Variants in HEATR4 observed in about 807,000 individuals in gnomAD.
HEATR4 encodes the protein HEAT repeat-containing protein 4.
A neutral mutation model predicts 108.8 loss-of-function variants in HEATR4; 95 were observed. The observed-to-expected ratio is 0.87, with a 90% CI of 0.74 to 1.04. The LOEUF (loss-of-function observed/expected upper bound fraction) is 1.04. Among genes scored for constraint, HEATR4 ranks in the 50% least tolerant of loss-of-function variants. The pLI, the probability that HEATR4 is intolerant of heterozygous loss-of-function variation, is 0.00. For missense variants in HEATR4, 1,152 were observed against 1,253.8 expected (o/e 0.92, Z 1.23); for synonymous variants, 443 against 459.4 (o/e 0.96, Z 0.46).
At chr14:73,589,409 T>C in the HEATR4 span, among the ~76,000 whole-genome samples, 1 of 152,204 alleles carries the variant, frequency 6.6e-6, no homozygotes, top group Non-Finnish European at 1.5e-5. Context: ...AACCTCTGCC[T>C]GCCAGGTTCA....
chr14:73,567,620 A>C, the HEATR4 span: 1 of 152,120 alleles, frequency 6.6e-6, no homozygotes, highest in Non-Finnish European at 1.5e-5. Flanking sequence ...TAGTAGTGGT[A>C]ACCTGCGTGA....
Position 73,509,809 on chromosome 14 carries a change from CCCATATATATATATAT to C in HEATR4, c.1559-352_1559-337del, listed in dbSNP as rs1298146465. 1.5e-3 allele frequency among the ~76,000 whole-genome samples: 8 copies of C among 5,190 alleles called. 1 individual carries two copies. Among genetic ancestry groups the C allele is most frequent in the Non-Finnish European group, 1.6e-3 (6 of 3,804 alleles). 3.4% of individuals were successfully genotyped at this position (5,190 alleles called of 152,430 possible). A position where few individuals can be genotyped will look rare whatever the true frequency, so the allele number is the denominator to read the frequency against. On this transcript the variant is annotated intron_variant, in intron 7 of 17. Transcript: ENST00000553558. ...AAAAGCAACCAATTTGCCCCATGAG[CCCATATATATATATAT>C]ATATATATATATATATATATATATA...
chr14:73,591,859 C>CA, the HEATR4 span: 1 of 1,189,394 alleles, frequency 8.4e-7, no homozygotes, highest in East Asian at 3.2e-5. Flanking sequence ...CAGCTTCCGG[C>CA]ACCAGGGGAC....
chr14:73,612,032 T>G, the HEATR4 span, among the ~76,000 whole-genome samples: 3 of 151,918 alleles, frequency 2.0e-5, no homozygotes, highest in Admixed American at 2.0e-4. Flanking sequence ...ATTGCAGGAA[T>G]AGTCATTAAC....
intron 5 of HEATR4, 97 bp from the exon 6 acceptor site, chr14:73,514,331 T>TA (rs778791520): frequency 1.2e-4 from 135 of 1,089,726 alleles, no homozygotes; most frequent in Non-Finnish European, 1.8e-4. Flanking sequence ...TCCTGACTAA[T>TA]ACCAAAGCAA....
chr14:73,609,933 C>T, the HEATR4 span, among the ~76,000 whole-genome samples: 1 of 152,064 alleles, frequency 6.6e-6, no homozygotes, highest in Non-Finnish European at 1.5e-5. Context: ...GCCACCGCGC[C>T]TGGCCAGGTT....
chr14:73,625,489 G>A, the HEATR4 span, among the ~76,000 whole-genome samples: 1 of 152,084 alleles, frequency 6.6e-6, no homozygotes, highest in Non-Finnish European at 1.5e-5. Flanking sequence ...AGCCTCCCAA[G>A]TAGCTGGGAT....
Position 73,492,087 on chromosome 14 carries a change from G to A in HEATR4, c.2844+979C>T. ...CTGCAGCTGGAAGGTAGGAAACTCT[G>A]GCGTGTATACCGACCCCGAGTCCCA... On this transcript the variant is annotated intron_variant, in intron 17 of 17. Coordinates refer to ENST00000553558, the MANE Select transcript of HEATR4 (RefSeq NM_001220484.1). This position sits in a 1 kb window ranked among gnomAD's most constrained non-coding sequence, Gnocchi z 4.9. 6.2e-7 allele frequency: 1 copy of A among 1,613,980 alleles called. No homozygotes were observed. Among genetic ancestry groups the A allele is most frequent in the Non-Finnish European group, 8.5e-7 (1 of 1,179,890 alleles).
chr14:73,606,084 C>T, the HEATR4 span, among the ~76,000 whole-genome samples: 25 of 152,130 alleles, frequency 1.6e-4, no homozygotes, highest in Admixed American at 1.4e-3. Flanking sequence ...TCAGCACTCC[C>T]GGCTCACTGG....
chr14:73,585,820 CTTTT>C, the HEATR4 span, among the ~76,000 whole-genome samples: 7 of 115,536 alleles, frequency 6.1e-5, no homozygotes, highest in East Asian at 1.2e-3. Flanking sequence ...TTGTCTTTTT[CTTTT>C]TTTTTTTTTT....
chr14:73,590,578 G>A, the HEATR4 span, among the ~76,000 whole-genome samples: 3 of 152,224 alleles, frequency 2.0e-5, no homozygotes, highest in Admixed American at 6.5e-5. Context: ...TCACGGCGGG[G>A]GCGGGGGCTC....
the HEATR4 span, among the ~76,000 whole-genome samples, chr14:73,598,848 C>T: frequency 6.6e-6 from 1 of 151,914 alleles, no homozygotes; most frequent in African/African-American, 2.4e-5. Context: ...ACTAAAAATA[C>T]AAAAAAGTAG....
the HEATR4 span, chr14:73,619,933 T>C: frequency 5.2e-6 from 7 of 1,337,848 alleles, no homozygotes; most frequent in South Asian, 9.1e-5. Flanking sequence ...TTTTTTTTTT[T>C]TCCTGTATCA....
At chr14:73,611,839 GA>G in the HEATR4 span, among the ~76,000 whole-genome samples, 1 of 152,044 alleles carries the variant, frequency 6.6e-6, no homozygotes, top group Non-Finnish European at 1.5e-5. Flanking sequence ...ATTAGCCCTG[GA>G]AAAAAGGCTT....
intron 1 of HEATR4, among the ~76,000 whole-genome samples, chr14:73,558,434 G>T (rs1889440465): frequency 7.6e-6 from 1 of 132,420 alleles, no homozygotes; most frequent in Non-Finnish European, 1.6e-5. Flanking sequence ...ATGACTCACT[G>T]CAGCCTTGAC....
At chr14:73,618,259 A>G in the HEATR4 span, among the ~76,000 whole-genome samples, 8 of 152,180 alleles carry the variant, frequency 5.3e-5, no homozygotes, top group East Asian at 1.5e-3. Flanking sequence ...TAATGTTAAG[A>G]TATAAGATGT....
chr14:73,506,433 G>A, intron 10 of HEATR4, 34 bp downstream of exon 10: 1 of 1,511,896 alleles, frequency 6.6e-7, no homozygotes, highest in Non-Finnish European at 9.2e-7. Context: ...CCTCTCTTAG[G>A]CTTTCTGTCC....
At chr14:73,527,713 C>T (rs1289428588) in intron 2 of HEATR4, among the ~76,000 whole-genome samples, 1 of 151,934 alleles carries the variant, frequency 6.6e-6, no homozygotes, top group Non-Finnish European at 1.5e-5. Flanking sequence ...CAGGATGGCT[C>T]ATGCCTGTAA....
the HEATR4 span, among the ~76,000 whole-genome samples, chr14:73,627,184 A>G: frequency 3.2e-4 from 49 of 151,716 alleles, no homozygotes; most frequent in Admixed American, 5.9e-4. Context: ...CATAGTTAGT[A>G]AGGAGAAGTC....
Sources: allele counts gnomAD v4.1 joint callset (sites outside exome capture counted in the v4.1 genomes callset), GRCh38; gene constraint gnomAD v4.1.1; non-coding constraint Gnocchi (gnomAD v3.1); transcripts MANE v1.5; gene names NCBI Gene and HGNC (gene_info 2026-07-23, HGNC 2026-07-21).